SLC25A21: variants seen among roughly 807,000 people sequenced by gnomAD.
SLC25A21 encodes mitochondrial 2-oxodicarboxylate carrier.
In SLC25A21, 47 loss-of-function variants were observed where a neutral mutation model predicts 43.8. That is an observed-to-expected ratio of 1.07 (90% CI 0.85 to 1.37). SLC25A21 has a LOEUF of 1.37. Ranked by LOEUF, SLC25A21 falls within the 40% of genes most tolerant of loss-of-function variation. The pLI, the probability that SLC25A21 is intolerant of heterozygous loss-of-function variation, is 0.00. For synonymous variants in SLC25A21, 131 were observed against 121.3 expected, an observed-to-expected ratio of 1.08 and a Z score of -0.52; for missense variants, 352 against 350.2, an observed-to-expected ratio of 1.00 and a Z score of -0.04.
intron 3 of SLC25A21, among the ~76,000 whole-genome samples, chr14:36,795,675 G>C (rs898237247): frequency 1.3e-5 from 2 of 150,326 alleles, no homozygotes; most frequent in Non-Finnish European, 3.0e-5. Flanking sequence ...GTGGATCTGT[G>C]AAGCGTCTGT....
chr14:37,009,452 C>T (rs1428301890), intron 1 of SLC25A21, among the ~76,000 whole-genome samples: 3 of 152,128 alleles, frequency 2.0e-5, no homozygotes, highest in African/African-American at 7.2e-5. Flanking sequence ...TGCCACTGCA[C>T]TCCAGCCTGG....
At chr14:37,037,508 T>C (rs183753614) in intron 1 of SLC25A21, among the ~76,000 whole-genome samples, 64 of 152,326 alleles carry the variant, frequency 4.2e-4, no homozygotes, top group African/African-American at 1.5e-3. Flanking sequence ...AATTTATCAA[T>C]TGAGTTTGGA....
At chr14:37,072,065 C>CTACT (rs774489765) in intron 1 of SLC25A21, among the ~76,000 whole-genome samples, 15 of 151,446 alleles carry the variant, frequency 9.9e-5, no homozygotes, top group Non-Finnish European at 1.9e-4. Flanking sequence ...ACCTGTAATC[C>CTACT]CAGCTACTCA....
intron 3 of SLC25A21, among the ~76,000 whole-genome samples, chr14:36,797,650 T>C (rs1358158576): frequency 6.6e-6 from 1 of 152,220 alleles, no homozygotes; most frequent in Non-Finnish European, 1.5e-5. Flanking sequence ...TTTTACTTAC[T>C]TTAAAACCCT....
At chr14:37,131,404 T>G (rs1249076584) in intron 1 of SLC25A21, among the ~76,000 whole-genome samples, 4 of 152,214 alleles carry the variant, frequency 2.6e-5, no homozygotes, top group African/African-American at 9.6e-5. Context: ...CTAAACAAGA[T>G]GCTCTCTGTT....
chr14:36,891,108 T>G (rs1891061066), intron 1 of SLC25A21, among the ~76,000 whole-genome samples: 1 of 152,174 alleles, frequency 6.6e-6, no homozygotes, highest in South Asian at 2.1e-4. Context: ...AAACCTATTT[T>G]AAAGGACCTA....
intron 1 of SLC25A21, among the ~76,000 whole-genome samples, chr14:37,049,220 C>A (rs7160964): frequency 0.49 from 73,868 of 151,958 alleles, 21,031 homozygotes; most frequent in African/African-American, 0.8. Flanking sequence ...GAATGAATCA[C>A]GTCAGTAAGT....
chr14:37,125,779 G>C (rs1767360841), intron 1 of SLC25A21, among the ~76,000 whole-genome samples: 1 of 152,104 alleles, frequency 6.6e-6, no homozygotes, highest in South Asian at 2.1e-4. Context: ...TAGCACAGCG[G>C]GAAGAAGTCA....
chr14:37,085,208 C>T (rs1962461480), intron 1 of SLC25A21, among the ~76,000 whole-genome samples: 1 of 152,128 alleles, frequency 6.6e-6, no homozygotes, highest in African/African-American at 2.4e-5. Context: ...CCTCCCCTAA[C>T]CACTCTATTT....
intron 3 of SLC25A21, among the ~76,000 whole-genome samples, chr14:36,802,834 T>C (rs2138423161): frequency 6.6e-6 from 1 of 152,306 alleles, no homozygotes; most frequent in East Asian, 1.9e-4. Context: ...GGAGTTATAA[T>C]TGTGCCAGAA....
In SLC25A21 at chr14:36,729,531, T is replaced by A; in HGVS notation, c.306A>T (p.Gly102=). The A allele has an allele frequency of 6.2e-7, 1 of 1,609,274 alleles. No individual in the cohort carries two copies. The highest frequency in any genetic ancestry group is 1.1e-5 in the South Asian group (1 of 89,800). ...FTFEQYKKLL[G]YVSLSPALTF... is the part of the protein sequence containing the mutation. ...CCAATGCTGGTGACAGTGACACATA[T>A]CCCAGCAATTTCTTGTACTGCTCAA... Residue 102 remains glycine, a synonymous_variant, in exon 5 of 10, where the codon GGA becomes GGT. Coordinates refer to ENST00000331299, the MANE Select transcript of SLC25A21 (RefSeq NM_030631.4).
chr14:36,810,540 T>C (rs145914524), intron 3 of SLC25A21, among the ~76,000 whole-genome samples: 278 of 152,332 alleles, frequency 1.8e-3, no homozygotes, highest in African/African-American at 5.3e-3. Context: ...ACCAGAGTAA[T>C]AGCTAAGAAC....
intron 1 of SLC25A21, among the ~76,000 whole-genome samples, chr14:37,098,726 T>C (rs74466022): frequency 1.7e-4 from 7 of 42,340 alleles, no homozygotes; most frequent in Middle Eastern, 0.012. Flanking sequence ...GATAGATAGA[T>C]AGATAGATAG....
chr14:36,904,889 G>A (rs1891493750), intron 1 of SLC25A21, among the ~76,000 whole-genome samples: 1 of 152,160 alleles, frequency 6.6e-6, no homozygotes, highest in Admixed American at 6.5e-5. Context: ...TGGGGACACA[G>A]CCAAATCATA....
chr14:36,692,296 C>A (rs140991872), intron 7 of SLC25A21, among the ~76,000 whole-genome samples: 1 of 152,180 alleles, frequency 6.6e-6, no homozygotes, highest in Non-Finnish European at 1.5e-5. Flanking sequence ...AAAACGCTGG[C>A]GGCTGTGATG....
chr14:36,921,190 C>T (rs1891971340), intron 1 of SLC25A21, among the ~76,000 whole-genome samples: 1 of 152,098 alleles, frequency 6.6e-6, no homozygotes, highest in Non-Finnish European at 1.5e-5. Flanking sequence ...GAACTTTGCC[C>T]TACACTGACA....
chr14:36,998,234 G>A (rs1299973291), intron 1 of SLC25A21, among the ~76,000 whole-genome samples: 1 of 152,084 alleles, frequency 6.6e-6, no homozygotes, highest in Non-Finnish European at 1.5e-5. Flanking sequence ...TCACAGTGAG[G>A]GATATAGAAT....
In SLC25A21 at chr14:37,144,108, G is replaced by T. The variant is rs77384194; in HGVS notation, c.70+28173C>A. On this transcript the variant is annotated intron_variant, in intron 1 of 9. Transcript: ENST00000331299. ...AAAATACAGAAACTAATGAGAAAAAGAGAGCCAGCTAATTACAAACTTGAG... is the reference window on the plus strand; with the variant it reads ...AAAATACAGAAACTAATGAGAAAAATAGAGCCAGCTAATTACAAACTTGAG... 3.9e-3 allele frequency among the ~76,000 whole-genome samples: 597 copies of T among 152,260 alleles called. 5 individuals are homozygous for T. Among genetic ancestry groups the T allele is most frequent in the Non-Finnish European group, 6.6e-3 (448 of 68,008 alleles).
chr14:36,787,412 T>A (rs1887289971), intron 3 of SLC25A21, among the ~76,000 whole-genome samples: 1 of 152,154 alleles, frequency 6.6e-6, no homozygotes, highest in African/African-American at 2.4e-5. Flanking sequence ...TTGAAAAGAA[T>A]TACAAAATAG....
Sources: allele counts gnomAD v4.1 joint callset (sites outside exome capture counted in the v4.1 genomes callset), GRCh38; gene constraint gnomAD v4.1.1; transcripts MANE v1.5; gene names NCBI Gene and HGNC (gene_info 2026-07-23, HGNC 2026-07-21).